Variants in SLC1A3 observed in about 807,000 individuals in gnomAD.
The protein encoded by SLC1A3 is solute carrier family 1 member 3.
Under a neutral mutation model 48.1 loss-of-function variants are expected in SLC1A3, and 21 were observed. The ratio of observed to expected loss-of-function variants is 0.44; its 90% confidence interval spans 0.31 to 0.63. The LOEUF (loss-of-function observed/expected upper bound fraction) is 0.63, where lower values mean the gene tolerates loss of function less well. SLC1A3 is among the 20% of genes least tolerant of loss of function. The pLI is 0.08. For synonymous variants in SLC1A3, 239 were observed against 251.4 expected, an observed-to-expected ratio of 0.95 and a Z score of 0.47; for missense variants, 546 against 689.0, an observed-to-expected ratio of 0.79 and a Z score of 2.32.
upstream of SLC1A3, among the ~76,000 whole-genome samples, chr5:36,601,935 C>G (rs1002588979): frequency 1.3e-5 from 2 of 152,100 alleles, no homozygotes; most frequent in Non-Finnish European, 2.9e-5. Flanking sequence ...GAGCACCTTC[C>G]GTTCTGGTTC....
At chr5:36,668,479 G>A (rs1171051184) in intron 3 of SLC1A3, 2 of 152,184 alleles carry the variant, frequency 1.3e-5, no homozygotes, top group Admixed American at 1.3e-4. Context: ...GAACAGAGGT[G>A]GTCAAGTAAC....
In SLC1A3 at chr5:36,680,375, C is replaced by T; in HGVS notation, c.1095-20C>T. The T allele has an allele frequency of 6.2e-7, 1 of 1,602,392 alleles. No individual in the cohort carries two copies. Among genetic ancestry groups the T allele is most frequent in the East Asian group, 2.2e-5 (1 of 44,816 alleles). ...ACTACCAGGACACTCAGCTGATGTG[C>T]CCTATTTCACTGTTCTCAGTTCTGC... On this transcript the variant is annotated intron_variant, in intron 7 of 9. Coordinates refer to ENST00000265113, the MANE Select transcript of SLC1A3 (RefSeq NM_004172.5).
chr5:36,604,427 C>T (rs1239384202), upstream of SLC1A3, among the ~76,000 whole-genome samples: 1 of 152,068 alleles, frequency 6.6e-6, no homozygotes, highest in Non-Finnish European at 1.5e-5. Flanking sequence ...ACCCAGGAGG[C>T]CCCCAGGCAT....
chr5:36,602,736 C>A (rs1164207640), upstream of SLC1A3, among the ~76,000 whole-genome samples: 1 of 152,206 alleles, frequency 6.6e-6, no homozygotes, highest in Non-Finnish European at 1.5e-5. Flanking sequence ...GGGGGTTCCT[C>A]TTGCTGGTCT....
At chr5:36,663,726 A>G (rs1161471214) in intron 3 of SLC1A3, among the ~76,000 whole-genome samples, 1 of 152,216 alleles carries the variant, frequency 6.6e-6, no homozygotes, top group Admixed American at 6.5e-5. Context: ...GTTATAGGCT[A>G]ATAAAATGTC....
chr5:36,635,176 A>G lies in SLC1A3; in HGVS notation c.319+5589A>G, dbSNP rs567590313. 3.4e-3 allele frequency among the ~76,000 whole-genome samples: 507 copies of G among 151,172 alleles called. 3 individuals carry two copies. The highest frequency in any genetic ancestry group is 6.0e-3 in the Non-Finnish European group (408 of 67,952). The stretch of plus-strand genomic sequence containing the variant: ...ACACCTACCCGTACGTTGTATTGAA[A>G]AAAAAAAAAAACAGTATCTAACGCA... On this transcript the variant is annotated intron_variant, in intron 3 of 9. Coordinates refer to ENST00000265113, the MANE Select transcript of SLC1A3 (RefSeq NM_004172.5).
At chr5:36,652,342 AC>A in intron 3 of SLC1A3, among the ~76,000 whole-genome samples, 1 of 152,118 alleles carries the variant, frequency 6.6e-6, no homozygotes, top group East Asian at 1.9e-4. Flanking sequence ...ACACACACAC[AC>A]ACAACATTCA....
chr5:36,612,922 A>T, intron 2 of SLC1A3: 1 of 447,978 alleles, frequency 2.2e-6, no homozygotes, highest in South Asian at 1.6e-5. Flanking sequence ...AACGGAAGAG[A>T]TGGAAAAGAG....
At chr5:36,645,988 G>A (rs923764601) in intron 3 of SLC1A3, among the ~76,000 whole-genome samples, 7 of 152,132 alleles carry the variant, frequency 4.6e-5, no homozygotes, top group Non-Finnish European at 1.0e-4. Context: ...TGATATTGAT[G>A]TCTTCTTTCA....
intron 3 of SLC1A3, among the ~76,000 whole-genome samples, chr5:36,639,841 C>G (rs1018365955): frequency 6.6e-6 from 1 of 152,206 alleles, no homozygotes; most frequent in Non-Finnish European, 1.5e-5. Flanking sequence ...CATGCACGCA[C>G]GCACACACAC....
intron 3 of SLC1A3, among the ~76,000 whole-genome samples, chr5:36,639,295 T>G (rs1740518822): frequency 6.6e-6 from 1 of 152,214 alleles, no homozygotes. Context: ...TTAATACACA[T>G]TAAACATACT....
intron 2 of SLC1A3, among the ~76,000 whole-genome samples, chr5:36,620,555 A>T (rs553903481): frequency 6.6e-6 from 1 of 152,312 alleles, no homozygotes; most frequent in Non-Finnish European, 1.5e-5. Flanking sequence ...GCATTCAGAA[A>T]GTGTGCTCAG....
At chr5:36,664,002 C>G (rs1451850084) in intron 3 of SLC1A3, among the ~76,000 whole-genome samples, 2 of 152,218 alleles carry the variant, frequency 1.3e-5, no homozygotes, top group Non-Finnish European at 2.9e-5. Flanking sequence ...TACCCAAGGT[C>G]ACTATCCTCA....
chr5:36,679,370 G>A (rs1158033898), intron 6 of SLC1A3, among the ~76,000 whole-genome samples: 1 of 152,194 alleles, frequency 6.6e-6, no homozygotes, highest in African/African-American at 2.4e-5. Flanking sequence ...AAAACATTGT[G>A]TCCTAGAGCA....
chr5:36,609,637 T>C lies in SLC1A3; in HGVS notation c.181+1033T>C, dbSNP rs138389788. Among the ~76,000 whole-genome samples the C allele has an allele frequency of 8.9e-3, 1,354 of 152,336 alleles. 26 individuals are homozygous for C. The highest frequency in any genetic ancestry group is 0.054 in the East Asian group (282 of 5,194). ...TCTTAAATTGTAGACAAATGAAGTA[T>C]AGCAGGAGAGTTTGTCACAAGATTT... On this transcript the variant is annotated intron_variant, in intron 2 of 9. Coordinates refer to ENST00000265113, the MANE Select transcript of SLC1A3 (RefSeq NM_004172.5).
At chr5:36,627,628 C>T (rs1366865728) in intron 2 of SLC1A3, among the ~76,000 whole-genome samples, 3 of 152,110 alleles carry the variant, frequency 2.0e-5, no homozygotes, top group Non-Finnish European at 4.4e-5. Context: ...ATACAGTGAA[C>T]GAATCTGATA....
At chr5:36,599,527 T>TTTTTTTTTTTTTGGG (rs397997372) in intron 1 of SLC1A3, among the ~76,000 whole-genome samples, 1 of 145,516 alleles carries the variant, frequency 6.9e-6, no homozygotes. Flanking sequence ...TTTTTTTTTT[T>TTTTTTTTTTTTTGGG]GAGACGGAGT....
intron 3 of SLC1A3, among the ~76,000 whole-genome samples, chr5:36,655,750 G>A (rs1167291089): frequency 6.6e-6 from 1 of 152,170 alleles, no homozygotes; most frequent in Non-Finnish European, 1.5e-5. Context: ...AGCCTTTTGG[G>A]TTCCTTGACC....
intron 2 of SLC1A3, among the ~76,000 whole-genome samples, chr5:36,623,107 A>G (rs867840925): frequency 6.6e-6 from 1 of 152,268 alleles, no homozygotes; most frequent in Non-Finnish European, 1.5e-5. Context: ...ATTAGCAAAG[A>G]GAAACTATTT....
Sources: gnomAD v4.1 joint callset for allele counts (sites outside exome capture counted in the v4.1 genomes callset) on GRCh38, gnomAD v4.1.1 for gene constraint, MANE v1.5 for transcripts, NCBI Gene and HGNC (gene_info 2026-07-23, HGNC 2026-07-21) for gene names.